KCNN2: variants seen among roughly 807,000 people sequenced by gnomAD.
KCNN2 encodes the protein potassium calcium-activated channel subfamily N member 2.
Under a neutral mutation model 55.5 loss-of-function variants are expected in KCNN2, and 24 were observed. That is an observed-to-expected ratio of 0.43 (90% CI 0.31 to 0.61). The LOEUF (loss-of-function observed/expected upper bound fraction) is 0.61, where lower values mean the gene tolerates loss of function less well. Ranked by LOEUF, KCNN2 falls within the 20% of genes least tolerant of loss-of-function variation. KCNN2 has a pLI of 0.08. For synonymous variants in KCNN2, 431 were observed against 336.1 expected, an observed-to-expected ratio of 1.28 and a Z score of -3.09; for missense variants, 754 against 853.6, an observed-to-expected ratio of 0.88 and a Z score of 1.45.
At chr5:114,394,477 A>G (rs897891390) in intron 2 of KCNN2, among the ~76,000 whole-genome samples, 3 of 152,174 alleles carry the variant, frequency 2.0e-5, no homozygotes, top group Non-Finnish European at 4.4e-5. Flanking sequence ...GCAGAAAGCA[A>G]AAGTTTAATG....
intron 1 of KCNN2, among the ~76,000 whole-genome samples, chr5:114,156,646 C>G (rs1184440436): frequency 1.3e-5 from 2 of 151,908 alleles, no homozygotes; most frequent in East Asian, 3.9e-4. Context: ...TTGTGGCAGT[C>G]ATGGAAGGAA....
intron 2 of KCNN2, among the ~76,000 whole-genome samples, chr5:114,387,275 CA>C (rs1417884413): frequency 6.6e-6 from 1 of 152,182 alleles, no homozygotes; most frequent in Non-Finnish European, 1.5e-5. Flanking sequence ...CTGCTTGTGA[CA>C]AACTTGCCAC....
chr5:114,250,073 A>G (rs1042999353), intron 2 of KCNN2, among the ~76,000 whole-genome samples: 21 of 152,184 alleles, frequency 1.4e-4, no homozygotes, highest in African/African-American at 5.1e-4. Context: ...CATTCCTAGT[A>G]AGAGCCTGCT....
intron 1 of KCNN2, among the ~76,000 whole-genome samples, chr5:114,160,781 T>A (rs1752757046): frequency 6.7e-6 from 1 of 150,040 alleles, no homozygotes; most frequent in South Asian, 2.1e-4. Context: ...TCTCTTTTGA[T>A]CTTTGTTGGT....
chr5:114,163,146 C>G (rs894428136), intron 1 of KCNN2, among the ~76,000 whole-genome samples: 1 of 152,160 alleles, frequency 6.6e-6, no homozygotes. Context: ...CTTGGCTCCA[C>G]CCCTGAAGTT....
At chr5:114,131,321 C>G (rs964583888) in intron 1 of KCNN2, among the ~76,000 whole-genome samples, 3 of 152,122 alleles carry the variant, frequency 2.0e-5, no homozygotes, top group African/African-American at 7.2e-5. Flanking sequence ...GTCCTCCTGA[C>G]CCCCATGTGT....
intron 3 of KCNN2, among the ~76,000 whole-genome samples, chr5:114,430,348 C>A (rs755907775): frequency 6.6e-6 from 1 of 152,022 alleles, no homozygotes; most frequent in Non-Finnish European, 1.5e-5. Flanking sequence ...GTTAGATGTA[C>A]AACTATTATT....
chr5:114,193,085 ATGTT>A (rs1215360339), intron 1 of KCNN2, among the ~76,000 whole-genome samples: 1 of 152,104 alleles, frequency 6.6e-6, no homozygotes, highest in African/African-American at 2.4e-5. Flanking sequence ...CTAGTAAAAT[ATGTT>A]TGTTGTTTAT....
At chr5:114,180,733 A>G (rs1238010705) in intron 1 of KCNN2, among the ~76,000 whole-genome samples, 2 of 152,162 alleles carry the variant, frequency 1.3e-5, no homozygotes, top group Non-Finnish European at 2.9e-5. Flanking sequence ...CAAACCCCTA[A>G]TACAATACAG....
At chr5:114,230,017 AATAGACCT>A (rs1433490729) in intron 2 of KCNN2, among the ~76,000 whole-genome samples, 1 of 152,166 alleles carries the variant, frequency 6.6e-6, no homozygotes, top group Non-Finnish European at 1.5e-5. Flanking sequence ...TGTTAAAACG[AATAGACCT>A]AAAGGTGAGA....
intron 1 of KCNN2, among the ~76,000 whole-genome samples, chr5:114,206,359 G>C (rs1282799493): frequency 6.6e-6 from 1 of 151,962 alleles, no homozygotes; most frequent in Non-Finnish European, 1.5e-5. Context: ...GTTTCCATTT[G>C]CTAGTTAAGA....
intron 2 of KCNN2, among the ~76,000 whole-genome samples, chr5:114,260,757 TAATAGTC>T (rs1755091102): frequency 6.6e-6 from 1 of 152,200 alleles, no homozygotes; most frequent in South Asian, 2.1e-4. Flanking sequence ...ACCTTTGTCT[TAATAGTC>T]TAAAGTCTTC....
chr5:114,465,030 A>G (rs970658671), intron 4 of KCNN2, among the ~76,000 whole-genome samples: 4 of 152,118 alleles, frequency 2.6e-5, no homozygotes, highest in African/African-American at 9.7e-5. Flanking sequence ...GCTTCTTAGA[A>G]ACAACTTCCT....
chr5:114,109,748 G>T (rs1193408411), intron 1 of KCNN2, among the ~76,000 whole-genome samples: 3 of 152,096 alleles, frequency 2.0e-5, no homozygotes, highest in African/African-American at 7.2e-5. Context: ...ACAGGGCACA[G>T]GTATGCCTCC....
intron 1 of KCNN2, among the ~76,000 whole-genome samples, chr5:114,098,595 C>G (rs775823818): frequency 2.0e-5 from 3 of 151,854 alleles, no homozygotes; most frequent in African/African-American, 4.8e-5. Context: ...ATCCCCACTC[C>G]CCCCTGCACA....
intron 2 of KCNN2, among the ~76,000 whole-genome samples, chr5:114,306,988 G>A (rs1392001673): frequency 6.6e-6 from 1 of 152,042 alleles, no homozygotes; most frequent in African/African-American, 2.4e-5. Flanking sequence ...ACAGGTATGA[G>A]CCACTTTAAT....
At chr5:114,242,720 A>G (rs1351874761) in intron 2 of KCNN2, among the ~76,000 whole-genome samples, 1 of 152,220 alleles carries the variant, frequency 6.6e-6, no homozygotes, top group Admixed American at 6.5e-5. Context: ...TTGTGAACAT[A>G]GAGAAAGGAA....
intron 1 of KCNN2, among the ~76,000 whole-genome samples, chr5:114,137,151 G>A (rs74647506): frequency 0.012 from 1,791 of 152,204 alleles, 36 homozygotes; most frequent in African/African-American, 0.04. Context: ...GCTCCCTGCT[G>A]CCACTGTAAT....
intron 2 of KCNN2, among the ~76,000 whole-genome samples, chr5:114,224,858 G>C (rs1200796993): frequency 6.6e-6 from 1 of 152,144 alleles, no homozygotes; most frequent in Non-Finnish European, 1.5e-5. Flanking sequence ...CAGGGTGTCT[G>C]TTCATGTCTT....
Sources: gnomAD v4.1 joint callset for allele counts (sites outside exome capture counted in the v4.1 genomes callset) on GRCh38, gnomAD v4.1.1 for gene constraint, MANE v1.5 for transcripts, NCBI Gene and HGNC (gene_info 2026-07-23, HGNC 2026-07-21) for gene names.